Variants in CERS6 observed in about 807,000 individuals in gnomAD.
CERS6 encodes the protein LAG1 homolog, ceramide synthase 6.
CERS6 carries 26 observed loss-of-function variants against 56.8 expected under a neutral mutation model. That is an observed-to-expected ratio of 0.46 (90% CI 0.34 to 0.63). The LOEUF (loss-of-function observed/expected upper bound fraction) is 0.63. Among genes scored for constraint, CERS6 ranks in the 30% least tolerant of loss-of-function variants. The pLI is 0.01. For synonymous variants in CERS6, 164 were observed against 173.3 expected, an observed-to-expected ratio of 0.95 and a Z score of 0.42; for missense variants, 415 against 467.5, an observed-to-expected ratio of 0.89 and a Z score of 1.04.
chr2:168,555,550 A>G (rs531088254), intron 2 of CERS6, among the ~76,000 whole-genome samples: 1 of 152,136 alleles, frequency 6.6e-6, no homozygotes, highest in African/African-American at 2.4e-5. Context: ...CCCAAATCCT[A>G]CATTTATTTA....
rs56340726 is a variant in CERS6 at position 168,552,349 on chromosome 2, TACACACACACACACACAC to T, written c.276+4673_276+4690del. On this transcript the variant is annotated intron_variant, in intron 2 of 9. Transcript: ENST00000305747. ...AAACCCCCACCCTACATACAGAGTA[TACACACACACACACACAC>T]ACACACACACACACACACACACACT... Among the ~76,000 whole-genome samples the T allele has an allele frequency of 1.4e-4, 19 of 140,098 alleles. 1 individual carries two copies. Among genetic ancestry groups the T allele is most frequent in the South Asian group, 4.9e-4 (2 of 4,096 alleles). 91.9% of individuals were successfully genotyped at this position (140,098 alleles called of 152,430 possible). A position where few individuals can be genotyped will look rare whatever the true frequency, so the allele number is the denominator to read the frequency against.
At chr2:168,632,123 A>T (rs2105297816) in intron 4 of CERS6, among the ~76,000 whole-genome samples, 1 of 151,580 alleles carries the variant, frequency 6.6e-6, no homozygotes, top group South Asian at 2.1e-4. Context: ...GTCGGGTTAG[A>T]CTCCTTAAAT....
At chr2:168,692,659 A>G (rs1357918945) in intron 5 of CERS6, among the ~76,000 whole-genome samples, 4 of 152,186 alleles carry the variant, frequency 2.6e-5, no homozygotes, top group Non-Finnish European at 4.4e-5. Flanking sequence ...TTCAGCATAT[A>G]GCCCCCAAAA....
At chr2:168,735,960 C>T (rs532129241) in intron 8 of CERS6, among the ~76,000 whole-genome samples, 1 of 151,618 alleles carries the variant, frequency 6.6e-6, no homozygotes, top group Admixed American at 6.6e-5. Context: ...AATCCCAGCA[C>T]TTTGGGACAC....
intron 8 of CERS6, among the ~76,000 whole-genome samples, chr2:168,725,732 A>T (rs1398439075): frequency 3.9e-5 from 6 of 152,254 alleles, no homozygotes; most frequent in African/African-American, 1.4e-4. Context: ...TACTATTATC[A>T]AACGCAATCA....
Position 168,540,262 on chromosome 2 carries a change from A to G in CERS6, c.171-7334A>G, listed in dbSNP as rs142723498. Among the ~76,000 whole-genome samples, 383 of 152,194 alleles carry G rather than the reference A, an allele frequency of 2.5e-3. 2 individuals carry two copies. The highest frequency in any genetic ancestry group is 4.5e-3 in the Non-Finnish European group (307 of 68,016). On this transcript the variant is annotated intron_variant, in intron 1 of 9. Coordinates refer to ENST00000305747, the MANE Select transcript of CERS6 (RefSeq NM_203463.3). ...TCTACATATACAATAGTGGTCCTATAAGATTATGATTACTGTACCTTTTCT... is the reference window on the plus strand; with the variant it reads ...TCTACATATACAATAGTGGTCCTATGAGATTATGATTACTGTACCTTTTCT...
intron 6 of CERS6, 85 bp from the exon 7 acceptor site, chr2:168,714,916 A>G: frequency 7.6e-7 from 1 of 1,323,938 alleles, no homozygotes; most frequent in Non-Finnish European, 1.0e-6. Flanking sequence ...GGAGGTTCTC[A>G]GTAAATACTG....
intron 1 of CERS6, among the ~76,000 whole-genome samples, chr2:168,506,415 GATCA>G (rs1284329118): frequency 3.3e-5 from 5 of 152,106 alleles, no homozygotes; most frequent in Admixed American, 1.3e-4. Flanking sequence ...CTGTAAACTA[GATCA>G]GTGTCCAGGT....
In CERS6 at chr2:168,559,615, C is replaced by A. The variant is rs138026598; in HGVS notation, c.277-1577C>A. The stretch of plus-strand genomic sequence containing the variant: ...ATGATCTCATTACCTCTCAAAGGCT[C>A]CAGCTTCTAATACCATCACAATGGG... On this transcript the variant is annotated intron_variant, in intron 2 of 9. Transcript: ENST00000305747. Among the ~76,000 whole-genome samples, 624 of 151,094 alleles carry A rather than the reference C, an allele frequency of 4.1e-3. 4 individuals are homozygous for A. Among genetic ancestry groups the A allele is most frequent in the African/African-American group, 0.014 (586 of 41,196 alleles).
chr2:168,515,919 A>G (rs1485988950), intron 1 of CERS6, among the ~76,000 whole-genome samples: 6 of 152,214 alleles, frequency 3.9e-5, no homozygotes, highest in African/African-American at 1.4e-4. Context: ...TGCAGTATAA[A>G]AGAATGGAAA....
chr2:168,595,095 A>T (rs1051581722), intron 3 of CERS6, among the ~76,000 whole-genome samples: 1 of 152,164 alleles, frequency 6.6e-6, no homozygotes, highest in Non-Finnish European at 1.5e-5. Context: ...ATTGTCCTCT[A>T]TTGGAGTTTA....
chr2:168,547,913 G>T (rs1695496798), intron 2 of CERS6, among the ~76,000 whole-genome samples: 1 of 152,178 alleles, frequency 6.6e-6, no homozygotes. Context: ...TTGATTTTTA[G>T]TAGCTCACCT....
intron 1 of CERS6, among the ~76,000 whole-genome samples, chr2:168,497,948 C>G (rs1482768604): frequency 1.3e-5 from 2 of 152,078 alleles, no homozygotes; most frequent in Non-Finnish European, 2.9e-5. Context: ...GAGACCCTTA[C>G]TAATAACAAT....
intron 1 of CERS6, among the ~76,000 whole-genome samples, chr2:168,518,759 C>G (rs915771041): frequency 6.6e-6 from 1 of 152,190 alleles, no homozygotes; most frequent in African/African-American, 2.4e-5. Context: ...CTAATACTGA[C>G]ACATTGAAAA....
chr2:168,535,669 G>GCT (rs369525474), intron 1 of CERS6, among the ~76,000 whole-genome samples: 1 of 115,598 alleles, frequency 8.7e-6, no homozygotes, highest in Non-Finnish European at 1.7e-5. Flanking sequence ...TTTGATACCA[G>GCT]TTTTTTTTTT....
At chr2:168,653,079 T>C (rs1352947364) in intron 4 of CERS6, among the ~76,000 whole-genome samples, 2 of 152,236 alleles carry the variant, frequency 1.3e-5, no homozygotes, top group African/African-American at 4.8e-5. Flanking sequence ...AATAGTCTTA[T>C]CAGGTCATTG....
intron 4 of CERS6, among the ~76,000 whole-genome samples, chr2:168,682,133 A>G (rs968302030): frequency 6.6e-6 from 1 of 152,120 alleles, no homozygotes; most frequent in African/African-American, 2.4e-5. Context: ...TGGATATATA[A>G]CCGGTAGTTG....
intron 2 of CERS6, among the ~76,000 whole-genome samples, chr2:168,554,786 G>T (rs1695645621): frequency 6.6e-6 from 1 of 152,132 alleles, no homozygotes; most frequent in Admixed American, 6.6e-5. Flanking sequence ...ATAGGTGAAG[G>T]TATACAGGCA....
chr2:168,571,495 G>T (rs1695985866), intron 3 of CERS6, among the ~76,000 whole-genome samples: 1 of 152,020 alleles, frequency 6.6e-6, no homozygotes, highest in African/African-American at 2.4e-5. Flanking sequence ...AAGTAACAGG[G>T]TATCAAGCCA....
Sources: gnomAD v4.1 joint callset for allele counts (sites outside exome capture counted in the v4.1 genomes callset) on GRCh38, gnomAD v4.1.1 for gene constraint, MANE v1.5 for transcripts, NCBI Gene and HGNC (gene_info 2026-07-23, HGNC 2026-07-21) for gene names.